Variants in TTBK2 observed in about 807,000 individuals in gnomAD.
TTBK2 encodes the protein tau-tubulin kinase 2.
TTBK2 carries 28 observed loss-of-function variants against 110.8 expected under a neutral mutation model. That is an observed-to-expected ratio of 0.25 (90% CI 0.19 to 0.35). The LOEUF (loss-of-function observed/expected upper bound fraction) is 0.35, where lower values mean the gene tolerates loss of function less well. TTBK2 is among the 10% of genes least tolerant of loss of function. The pLI is 1.00. For synonymous variants in TTBK2, 532 were observed against 527.3 expected (o/e 1.01, Z -0.12); for missense variants, 1,369 against 1,500.3 (o/e 0.91, Z 1.45).
intron 13 of TTBK2, among the ~76,000 whole-genome samples, chr15:42,759,642 C>T (rs1011010512): frequency 6.6e-6 from 1 of 152,248 alleles, no homozygotes; most frequent in Non-Finnish European, 1.5e-5. Flanking sequence ...GCCACAGAGA[C>T]ACTTGCAAAC....
intron 3 of TTBK2, among the ~76,000 whole-genome samples, chr15:42,845,072 G>C (rs1893391735): frequency 6.6e-6 from 1 of 152,256 alleles, no homozygotes; most frequent in East Asian, 1.9e-4. Context: ...GGCTTATGAG[G>C]CTTCACATAA....
At chr15:42,749,019 A>G (rs1426404927) in intron 14 of TTBK2, among the ~76,000 whole-genome samples, 1 of 152,252 alleles carries the variant, frequency 6.6e-6, no homozygotes, top group Non-Finnish European at 1.5e-5. Flanking sequence ...ATTATGGGAC[A>G]TAATGGGATT....
At chr15:42,881,376 G>C (rs1438322963) in intron 1 of TTBK2, among the ~76,000 whole-genome samples, 1 of 140,676 alleles carries the variant, frequency 7.1e-6, no homozygotes, top group East Asian at 2.0e-4. Flanking sequence ...TTAATGTTGA[G>C]CATACAATCC....
intron 6 of TTBK2, among the ~76,000 whole-genome samples, chr15:42,821,014 T>G (rs1164259175): frequency 6.6e-6 from 1 of 151,680 alleles, no homozygotes; most frequent in Non-Finnish European, 1.5e-5. Flanking sequence ...CCACTCCAGC[T>G]TGGGTAACAG....
intron 3 of TTBK2, among the ~76,000 whole-genome samples, chr15:42,846,241 G>A (rs1401724106): frequency 6.6e-6 from 1 of 150,594 alleles, no homozygotes; most frequent in Admixed American, 6.6e-5. Context: ...CCAGGCTGGA[G>A]TGCAGTGGAC....
At chr15:42,895,780 G>C (rs1276364796) in intron 1 of TTBK2, among the ~76,000 whole-genome samples, 3 of 151,704 alleles carry the variant, frequency 2.0e-5, no homozygotes, top group Non-Finnish European at 2.9e-5. Flanking sequence ...CTTGTGATCT[G>C]CCCACCTCAG....
rs1371522505 is a variant in TTBK2 at position 42,752,383 on chromosome 15, T to G, written c.2863A>C (p.Thr955Pro). 6.2e-7 allele frequency: 1 copy of G among 1,614,256 alleles called. No individual in the cohort carries two copies. The highest frequency in any genetic ancestry group is 1.1e-5 in the South Asian group (1 of 91,088). Residue 955 changes from threonine to proline, a missense_variant, in exon 14 of 15, where the codon ACT (threonine) becomes CCT (proline). Thr to Pro is a conservative substitution (Grantham distance 38). Coordinates refer to ENST00000267890, the MANE Select transcript of TTBK2 (RefSeq NM_173500.4). ...GAAACTGGAGAGGATGATTCCAAAGTTGAGTCTATCTCTTGTGCTAAAACA... is the reference window on the plus strand; with the variant it reads ...GAAACTGGAGAGGATGATTCCAAAGGTGAGTCTATCTCTTGTGCTAAAACA... ...IPVLAQEIDS[T>P]LESSSPVSAK...
chr15:42,902,469 G>A (rs569507230), intron 1 of TTBK2, among the ~76,000 whole-genome samples: 16 of 152,108 alleles, frequency 1.1e-4, no homozygotes, highest in African/African-American at 3.1e-4. Context: ...GCGGTGAGCC[G>A]AGATTGTGCC....
chr15:42,836,056 A>G (rs947349514), intron 4 of TTBK2, among the ~76,000 whole-genome samples: 1 of 152,202 alleles, frequency 6.6e-6, no homozygotes, highest in African/African-American at 2.4e-5. Flanking sequence ...ACTTATCACA[A>G]TATATCACAC....
intron 1 of TTBK2, among the ~76,000 whole-genome samples, chr15:42,888,782 T>C (rs559557528): frequency 9.2e-5 from 14 of 152,292 alleles, no homozygotes; most frequent in Non-Finnish European, 1.5e-4. Context: ...AGTCATTCAC[T>C]GCAACGGCCA....
intron 7 of TTBK2, among the ~76,000 whole-genome samples, chr15:42,815,411 G>A (rs1891896517): frequency 6.6e-6 from 1 of 152,008 alleles, no homozygotes; most frequent in Admixed American, 6.6e-5. Context: ...ATCAGAACAG[G>A]AACAAGGTAA....
At chr15:42,833,247 T>TAAAAAAAA (rs35997543) in intron 4 of TTBK2, among the ~76,000 whole-genome samples, 10 of 74,860 alleles carry the variant, frequency 1.3e-4, no homozygotes, top group African/African-American at 2.1e-4. Context: ...CCAAATTTTG[T>TAAAAAAAA]AAAAAAAAAA....
intron 13 of TTBK2, among the ~76,000 whole-genome samples, chr15:42,756,361 G>A (rs953717395): frequency 1.3e-5 from 2 of 151,512 alleles, no homozygotes; most frequent in East Asian, 1.9e-4. Flanking sequence ...TGAGGTGGGC[G>A]GATCATCTGA....
At chr15:42,765,449 G>T (rs1196826201) in intron 13 of TTBK2, among the ~76,000 whole-genome samples, 1 of 152,182 alleles carries the variant, frequency 6.6e-6, no homozygotes. Flanking sequence ...GAAAACCATG[G>T]CACGAGAACT....
At chr15:42,804,146 T>A (rs887140239) in intron 9 of TTBK2, among the ~76,000 whole-genome samples, 1 of 151,908 alleles carries the variant, frequency 6.6e-6, no homozygotes, top group Non-Finnish European at 1.5e-5. Flanking sequence ...AATTACCTCA[T>A]TAAAAATATT....
chr15:42,877,750 G>A (rs1198577877), intron 2 of TTBK2, among the ~76,000 whole-genome samples: 2 of 152,048 alleles, frequency 1.3e-5, no homozygotes, highest in Non-Finnish European at 2.9e-5. Context: ...ACAATCTTGG[G>A]GGAGGAGTCA....
At chr15:42,813,823 G>A (rs1230839277) in intron 7 of TTBK2, among the ~76,000 whole-genome samples, 1 of 151,596 alleles carries the variant, frequency 6.6e-6, no homozygotes, top group Non-Finnish European at 1.5e-5. Flanking sequence ...TCCAGCCTGG[G>A]CGAAGGAGGG....
chr15:42,790,062 C>T (rs1256715100), intron 10 of TTBK2, among the ~76,000 whole-genome samples: 1 of 151,946 alleles, frequency 6.6e-6, no homozygotes, highest in Non-Finnish European at 1.5e-5. Context: ...ATAAATGGTG[C>T]CGGAAAAACT....
upstream of TTBK2, chr15:42,920,816 T>G (rs1462925470): frequency 6.5e-6 from 1 of 152,816 alleles, no homozygotes. Flanking sequence ...TTCTCCCCCC[T>G]CGTAACCCGA....
Sources: gnomAD v4.1 joint callset for allele counts (sites outside exome capture counted in the v4.1 genomes callset) on GRCh38, gnomAD v4.1.1 for gene constraint, MANE v1.5 for transcripts, NCBI Gene and HGNC (gene_info 2026-07-23, HGNC 2026-07-21) for gene names.